PRKCA: variants seen among roughly 807,000 people sequenced by gnomAD.
The protein encoded by PRKCA is protein kinase C alpha.
PRKCA carries 27 observed loss-of-function variants against 87.0 expected under a neutral mutation model. The ratio of observed to expected loss-of-function variants is 0.31; its 90% CI spans 0.23 to 0.43. The LOEUF is 0.43. PRKCA is among the 20% of genes least tolerant of loss of function. The probability of loss-of-function intolerance (pLI) is 1.00; values close to 1 mark genes in which losing one functional copy is unlikely to be tolerated. For missense variants in PRKCA, 518 were observed against 852.3 expected, an observed-to-expected ratio of 0.61 and a Z score of 4.88; for synonymous variants, 329 against 311.1, an observed-to-expected ratio of 1.06 and a Z score of -0.61.
chr17:66,329,667 C>G (rs1906205705), intron 2 of PRKCA, among the ~76,000 whole-genome samples: 1 of 152,082 alleles, frequency 6.6e-6, no homozygotes, highest in African/African-American at 2.4e-5. Flanking sequence ...GCAGGAGGTC[C>G]CTACTGCCAT....
intron 2 of PRKCA, among the ~76,000 whole-genome samples, chr17:66,480,790 A>G (rs1342544715): frequency 6.6e-6 from 1 of 152,186 alleles, no homozygotes; most frequent in Non-Finnish European, 1.5e-5. Flanking sequence ...TTAAAAAAAA[A>G]AAAGCACTGA....
intron 3 of PRKCA, among the ~76,000 whole-genome samples, chr17:66,605,947 G>C (rs752590378): frequency 6.6e-5 from 10 of 152,214 alleles, no homozygotes; most frequent in Non-Finnish European, 1.5e-4. Context: ...GAAGGGGATT[G>C]AGGAGGAACT....
At chr17:66,639,731 G>T (rs540147769) in intron 3 of PRKCA, among the ~76,000 whole-genome samples, 1 of 151,776 alleles carries the variant, frequency 6.6e-6, no homozygotes, top group Non-Finnish European at 1.5e-5. Flanking sequence ...GCGCGGTGGC[G>T]CATGCCTGTA....
At chr17:66,781,437 T>C (rs9912671) in intron 14 of PRKCA, among the ~76,000 whole-genome samples, 91,381 of 152,048 alleles carry the variant, frequency 0.6, 29,944 homozygotes, top group African/African-American at 0.88. Flanking sequence ...TCTCTGACCC[T>C]CAACGTACAG....
chr17:66,415,040 A>C (rs1351423575), intron 2 of PRKCA: 1 of 152,004 alleles, frequency 6.6e-6, no homozygotes, highest in Non-Finnish European at 1.5e-5. Flanking sequence ...TAGAATGAGT[A>C]GTTTTTTTTT....
intron 3 of PRKCA, among the ~76,000 whole-genome samples, chr17:66,621,111 C>T (rs1345719076): frequency 1.3e-5 from 2 of 152,194 alleles, no homozygotes; most frequent in Non-Finnish European, 2.9e-5. Flanking sequence ...CTCTGGTTGA[C>T]TTTGATGTTC....
chr17:66,542,013 G>A (rs1968003775), intron 3 of PRKCA, among the ~76,000 whole-genome samples: 1 of 152,176 alleles, frequency 6.6e-6, no homozygotes, highest in Non-Finnish European at 1.5e-5. Context: ...TTAGTATCAG[G>A]CAATTGCAGA....
chr17:66,332,833 A>G (rs543984055), intron 2 of PRKCA, among the ~76,000 whole-genome samples: 2,739 of 151,980 alleles, frequency 0.018, 92 homozygotes, highest in African/African-American at 0.063. Context: ...CTGGGACTAC[A>G]GGTGCCCGCC....
intron 2 of PRKCA, among the ~76,000 whole-genome samples, chr17:66,371,778 AC>A (rs2143538168): frequency 6.6e-6 from 1 of 152,260 alleles, no homozygotes; most frequent in East Asian, 1.9e-4. Context: ...GAATGACCCA[AC>A]CCTTTGTCAT....
At chr17:66,644,202 T>C (rs1371817582) in intron 4 of PRKCA, among the ~76,000 whole-genome samples, 1 of 152,278 alleles carries the variant, frequency 6.6e-6, no homozygotes, top group African/African-American at 2.4e-5. Flanking sequence ...GTGAATTAGC[T>C]AATTGTTCTT....
At chr17:66,442,706 A>G (rs1913836992) in intron 2 of PRKCA, among the ~76,000 whole-genome samples, 1 of 152,166 alleles carries the variant, frequency 6.6e-6, no homozygotes, top group Non-Finnish European at 1.5e-5. Flanking sequence ...TTAGACTGCA[A>G]GCTTAGCGAG....
intron 3 of PRKCA, among the ~76,000 whole-genome samples, chr17:66,501,759 T>C (rs1395103692): frequency 6.6e-6 from 1 of 152,152 alleles, no homozygotes; most frequent in Non-Finnish European, 1.5e-5. Flanking sequence ...AAATGGCTTC[T>C]CCCCCTTCTC....
At chr17:66,508,013 T>G (rs1413019004) in intron 3 of PRKCA, among the ~76,000 whole-genome samples, 1 of 152,206 alleles carries the variant, frequency 6.6e-6, no homozygotes, top group South Asian at 2.1e-4. Flanking sequence ...AACTGTGTTA[T>G]TTTATTTATT....
chr17:66,785,508 T>A (rs1409698906), intron 14 of PRKCA, among the ~76,000 whole-genome samples: 1 of 152,188 alleles, frequency 6.6e-6, no homozygotes, highest in African/African-American at 2.4e-5. Flanking sequence ...TCTGCCTTTC[T>A]GACGCTAAGC....
intron 3 of PRKCA, among the ~76,000 whole-genome samples, chr17:66,613,694 T>A (rs2143652966): frequency 6.6e-6 from 1 of 152,030 alleles, no homozygotes; most frequent in East Asian, 1.9e-4. Context: ...CCTCTCTGTG[T>A]ATCTTTGTGT....
intron 13 of PRKCA, among the ~76,000 whole-genome samples, chr17:66,765,932 GAGATCTTCAGGACCTCCCGTGT>G (rs1974803535): frequency 6.6e-6 from 1 of 152,200 alleles, no homozygotes; most frequent in South Asian, 2.1e-4. Context: ...ACCTGTAACT[GAGATCTTCAGGACCTCCCGTGT>G]TATCTGGTAC....
In PRKCA at chr17:66,804,115, T is replaced by C; in HGVS notation, c.*78T>C. On this transcript the variant is annotated 3_prime_UTR_variant, in exon 17 of 17. Coordinates refer to ENST00000413366, the MANE Select transcript of PRKCA (RefSeq NM_002737.3). The stretch of plus-strand genomic sequence containing the variant: ...GGAAGTGAATCCTTAACCCTAAAAT[T>C]TTAAGGCCACGGCCTTGTGTCTGAT... The C allele has an allele frequency of 6.5e-7, 1 of 1,527,292 alleles. No individual in the cohort carries two copies. The highest frequency in any genetic ancestry group is 8.8e-7 in the Non-Finnish European group (1 of 1,136,622). 94.6% of individuals were successfully genotyped at this position (1,527,292 alleles called of 1,614,324 possible).
chr17:66,687,591 G>A (rs1290382004), intron 6 of PRKCA, among the ~76,000 whole-genome samples: 1 of 152,152 alleles, frequency 6.6e-6, no homozygotes, highest in East Asian at 1.9e-4. Flanking sequence ...ATGGACTTAG[G>A]TTCTTTTGGG....
At chr17:66,741,999 A>G (rs1974167606) in intron 12 of PRKCA, among the ~76,000 whole-genome samples, 1 of 152,108 alleles carries the variant, frequency 6.6e-6, no homozygotes. Flanking sequence ...TTTTCTTTGG[A>G]ATGGAGGTCA....
Sources: allele counts gnomAD v4.1 joint callset (sites outside exome capture counted in the v4.1 genomes callset), GRCh38; gene constraint gnomAD v4.1.1; transcripts MANE v1.5; gene names NCBI Gene and HGNC (gene_info 2026-07-23, HGNC 2026-07-21).